Variants in PACS1 observed in about 807,000 individuals in gnomAD.
PACS1 encodes the protein phosphofurin acidic cluster sorting protein 1.
A neutral mutation model predicts 115.0 loss-of-function variants in PACS1; 24 were observed. The observed-to-expected ratio is 0.21, with a 90% CI of 0.15 to 0.29. PACS1 has a LOEUF of 0.29. Among genes scored for constraint, PACS1 ranks in the 10% least tolerant of loss-of-function variants. PACS1 has a pLI of 1.00. For synonymous variants in PACS1, 453 were observed against 504.5 expected, an observed-to-expected ratio of 0.90 and a Z score of 1.37; for missense variants, 838 against 1,251.2, an observed-to-expected ratio of 0.67 and a Z score of 4.98.
intron 1 of PACS1, among the ~76,000 whole-genome samples, chr11:66,087,036 A>G (rs1401367308): frequency 2.0e-5 from 3 of 152,196 alleles, no homozygotes; most frequent in Admixed American, 1.3e-4. Context: ...AACTTGATAA[A>G]TTTTCATAAA....
Position 66,230,904 on chromosome 11 carries a change from C to G in PACS1, c.1590C>G (p.Asp530Glu). The G allele has an allele frequency of 6.2e-7, 1 of 1,614,204 alleles. No homozygotes were observed. Among genetic ancestry groups the G allele is most frequent in the Non-Finnish European group, 8.5e-7 (1 of 1,180,018 alleles). The change falls in exon 13 of 24, where the codon GAC becomes GAG. Residue 530 changes from aspartate to glutamate, a missense_variant. Asp to Glu is a conservative substitution (Grantham distance 45). Coordinates refer to ENST00000320580, the MANE Select transcript of PACS1 (RefSeq NM_018026.4). ...TAAGTGAGAGGACCAACAGTTCCGA[C>G]AGCGAGCGCTCCCCAGATCTGGGCC... ...KPLSERTNSS[D>E]SERSPDLGHS...
intron 2 of PACS1, among the ~76,000 whole-genome samples, chr11:66,209,975 T>A (rs916377432): frequency 2.6e-5 from 4 of 151,884 alleles, no homozygotes; most frequent in African/African-American, 7.3e-5. Flanking sequence ...GCAAACATAG[T>A]ATTTCTTTTG....
chr11:66,127,208 C>T (rs1590762534), intron 1 of PACS1, among the ~76,000 whole-genome samples: 1 of 152,350 alleles, frequency 6.6e-6, no homozygotes, highest in South Asian at 2.1e-4. Flanking sequence ...AGTGTTGAGA[C>T]TCACATGTCT....
chr11:66,077,893 GGTT>G (rs1475734621), intron 1 of PACS1, among the ~76,000 whole-genome samples: 8 of 151,894 alleles, frequency 5.3e-5, no homozygotes, highest in African/African-American at 1.9e-4. Flanking sequence ...GTAGAGACGG[GGTT>G]TCACCATGTT....
intron 1 of PACS1, among the ~76,000 whole-genome samples, chr11:66,099,397 TG>T (rs1311165354): frequency 4.0e-5 from 6 of 151,626 alleles, no homozygotes; most frequent in African/African-American, 1.5e-4. Flanking sequence ...CTAATTTTTT[TG>T]TATTTTTAGT....
At chr11:66,238,326 A>C in intron 19 of PACS1, 1 of 985,344 alleles carries the variant, frequency 1.0e-6, no homozygotes, top group Non-Finnish European at 1.2e-6. Flanking sequence ...TAGAGAAACA[A>C]CATCAGGACA....
At chr11:66,172,393 C>T (rs887393939) in intron 1 of PACS1, among the ~76,000 whole-genome samples, 8 of 152,174 alleles carry the variant, frequency 5.3e-5, no homozygotes, top group Non-Finnish European at 1.2e-4. Flanking sequence ...ATACGTTGCA[C>T]CTTTTTGCCT....
rs1450568327 is a variant in PACS1 at position 66,193,467 on chromosome 11, T to G, written c.357-19T>G. 6.4e-6 allele frequency: 10 copies of G among 1,569,330 alleles called. No homozygotes were observed. Among genetic ancestry groups the G allele is most frequent in the Non-Finnish European group, 8.8e-6 (10 of 1,139,478 alleles). Reference sequence around the variant, plus strand: ...AAGTTCCTCGCATATGACAGCATCTTCCTTCTCTGTTTTTCTAGGCTATTC... The same window carrying G: ...AAGTTCCTCGCATATGACAGCATCTGCCTTCTCTGTTTTTCTAGGCTATTC... On this transcript the variant is annotated intron_variant, in intron 1 of 23. Coordinates refer to ENST00000320580, the MANE Select transcript of PACS1 (RefSeq NM_018026.4).
At chr11:66,229,746 TG>T (rs1855544432) in intron 11 of PACS1, among the ~76,000 whole-genome samples, 1 of 151,908 alleles carries the variant, frequency 6.6e-6, no homozygotes, top group South Asian at 2.1e-4. Context: ...ATTCGAGACC[TG>T]CCTGACCAAC....
intron 1 of PACS1, among the ~76,000 whole-genome samples, chr11:66,111,564 A>T (rs566710388): frequency 6.6e-6 from 1 of 152,266 alleles, no homozygotes; most frequent in South Asian, 2.1e-4. Flanking sequence ...TTTTCCTCTA[A>T]TTGTCCCCAC....
intron 21 of PACS1, 63 bp from the exon 22 acceptor site, chr11:66,241,364 C>A: frequency 7.7e-7 from 1 of 1,300,438 alleles, no homozygotes; most frequent in Non-Finnish European, 1.1e-6. Context: ...CCTACCCCAT[C>A]AGGCCTATGT....
At chr11:66,231,826 G>C in intron 13 of PACS1, 1 of 250,144 alleles carries the variant, frequency 4.0e-6, no homozygotes, top group South Asian at 6.0e-5. Context: ...GCCGCCCTCT[G>C]CCTCTCCCTT....
At chr11:66,229,656 G>A (rs1855541696) in intron 11 of PACS1, among the ~76,000 whole-genome samples, 2 of 152,024 alleles carry the variant, frequency 1.3e-5, no homozygotes, top group African/African-American at 4.8e-5. Flanking sequence ...TCCAGCTTGG[G>A]CGACAGAGCA....
chr11:66,172,180 C>T (rs1044998253), intron 1 of PACS1, among the ~76,000 whole-genome samples: 2 of 152,034 alleles, frequency 1.3e-5, no homozygotes, highest in East Asian at 1.9e-4. Context: ...TTTTTCTATC[C>T]TTGATCTTCT....
chr11:66,145,114 C>A (rs747204630), intron 1 of PACS1, among the ~76,000 whole-genome samples: 7 of 152,154 alleles, frequency 4.6e-5, no homozygotes, highest in Non-Finnish European at 1.0e-4. Context: ...TAATACCAGA[C>A]AAAATTGTTA....
intron 1 of PACS1, among the ~76,000 whole-genome samples, chr11:66,079,585 GC>G (rs1375141770): frequency 6.6e-6 from 1 of 152,034 alleles, no homozygotes; most frequent in Non-Finnish European, 1.5e-5. Flanking sequence ...ACCACTAGTG[GC>G]AGTTCAGAGT....
At chr11:66,140,737 T>G (rs960678119) in intron 1 of PACS1, among the ~76,000 whole-genome samples, 2 of 152,144 alleles carry the variant, frequency 1.3e-5, no homozygotes, top group African/African-American at 2.4e-5. Flanking sequence ...TTCCAACTAT[T>G]TTTATGTAAT....
intron 1 of PACS1, among the ~76,000 whole-genome samples, chr11:66,077,652 T>C (rs1271528664): frequency 6.6e-6 from 1 of 151,702 alleles, no homozygotes; most frequent in East Asian, 1.9e-4. Flanking sequence ...ATAGTGTTGA[T>C]GGCAGGTTTG....
At chr11:66,141,742 A>T (rs1007840896) in intron 1 of PACS1, among the ~76,000 whole-genome samples, 3 of 151,372 alleles carry the variant, frequency 2.0e-5, no homozygotes, top group Admixed American at 1.3e-4. Flanking sequence ...TGGGCCCTAC[A>T]GGTATGTGCC....
Sources: gnomAD v4.1 joint callset for allele counts (sites outside exome capture counted in the v4.1 genomes callset) on GRCh38, gnomAD v4.1.1 for gene constraint, MANE v1.5 for transcripts, NCBI Gene and HGNC (gene_info 2026-07-23, HGNC 2026-07-21) for gene names.